RASGEF1A: variants seen among roughly 807,000 people sequenced by gnomAD.
RASGEF1A encodes ras-GEF domain-containing family member 1A.
In RASGEF1A, 18 loss-of-function variants were observed where a neutral mutation model predicts 56.4. The observed-to-expected ratio is 0.32, with a 90% CI of 0.22 to 0.47. The LOEUF (loss-of-function observed/expected upper bound fraction) is 0.47. Among genes scored for constraint, RASGEF1A ranks in the 20% least tolerant of loss-of-function variants. The pLI is 1.00. For missense variants in RASGEF1A, 422 were observed against 627.1 expected (o/e 0.67, Z 3.49); for synonymous variants, 245 against 242.6 (o/e 1.01, Z -0.09).
intron 1 of RASGEF1A, among the ~76,000 whole-genome samples, chr10:43,216,498 G>T (rs1370614137): frequency 6.6e-6 from 1 of 152,204 alleles, no homozygotes; most frequent in African/African-American, 2.4e-5. Context: ...ATGGGAGGCA[G>T]GCACCATGAT....
rs374920291 is a variant in RASGEF1A, at chr10:43,243,216, C to T, written c.-7+23629G>A. Among the ~76,000 whole-genome samples, 74 of 150,208 alleles carry T rather than the reference C, an allele frequency of 4.9e-4. No homozygotes were observed. In the East Asian group the frequency reaches 0.011, roughly 22 times the overall value. Reference sequence around the variant, plus strand: ...CTGGGAAGTGAGGAGTGCTTCTGCCCGGCCGCCACCCTGTCTAGGAAGTGA... The same window carrying T: ...CTGGGAAGTGAGGAGTGCTTCTGCCTGGCCGCCACCCTGTCTAGGAAGTGA... On this transcript the variant is annotated intron_variant, in intron 1 of 12. Coordinates refer to ENST00000395810, the MANE Select transcript of RASGEF1A (RefSeq NM_145313.4).
chr10:43,214,138 C>G (rs1840103874), intron 1 of RASGEF1A, among the ~76,000 whole-genome samples: 1 of 152,214 alleles, frequency 6.6e-6, no homozygotes, highest in Non-Finnish European at 1.5e-5. Flanking sequence ...GCACCCTGCC[C>G]TATCACCCAT....
intron 1 of RASGEF1A, chr10:43,208,421 T>A: frequency 1.0e-6 from 1 of 985,258 alleles, no homozygotes; most frequent in Non-Finnish European, 1.2e-6. Flanking sequence ...TGCCTAGGAG[T>A]TGAGGAGCCA....
At chr10:43,214,277 C>A (rs1344095862) in intron 1 of RASGEF1A, among the ~76,000 whole-genome samples, 1 of 152,224 alleles carries the variant, frequency 6.6e-6, no homozygotes, top group African/African-American at 2.4e-5. Flanking sequence ...CAGGCCTGGG[C>A]AGCAGCTGGG....
intron 1 of RASGEF1A, among the ~76,000 whole-genome samples, chr10:43,249,918 G>A (rs1564542914): frequency 2.6e-5 from 4 of 152,232 alleles, no homozygotes; most frequent in Non-Finnish European, 4.4e-5. Context: ...TTTCACGTGT[G>A]TTTAAAAGCA....
intron 1 of RASGEF1A, among the ~76,000 whole-genome samples, chr10:43,209,363 G>A (rs564871559): frequency 1.2e-4 from 19 of 152,296 alleles, no homozygotes; most frequent in East Asian, 9.7e-4. Flanking sequence ...GATTCATGCC[G>A]AGCAAGCAGC....
At chr10:43,216,076 CTGA>C (rs1840133047) in intron 1 of RASGEF1A, among the ~76,000 whole-genome samples, 1 of 152,222 alleles carries the variant, frequency 6.6e-6, no homozygotes, top group Non-Finnish European at 1.5e-5. Context: ...CATGCACTGA[CTGA>C]TGATGTGTGT....
At chr10:43,218,498 C>T (rs1840165480) in intron 1 of RASGEF1A, among the ~76,000 whole-genome samples, 1 of 152,236 alleles carries the variant, frequency 6.6e-6, no homozygotes, top group South Asian at 2.1e-4. Flanking sequence ...AACCCTTGTT[C>T]CCTCTGCAGC....
At chr10:43,210,280 T>C (rs1366598905) in intron 1 of RASGEF1A, among the ~76,000 whole-genome samples, 1 of 151,662 alleles carries the variant, frequency 6.6e-6, no homozygotes, top group Non-Finnish European at 1.5e-5. Flanking sequence ...GAGACAAGCC[T>C]GGGTAACATA....
chr10:43,214,118 C>T (rs1196227531), intron 1 of RASGEF1A, among the ~76,000 whole-genome samples: 1 of 152,198 alleles, frequency 6.6e-6, no homozygotes, highest in Non-Finnish European at 1.5e-5. Flanking sequence ...GCCATGGACT[C>T]TGAGACCTTG....
At chr10:43,238,282 G>A (rs1052020704) in intron 1 of RASGEF1A, among the ~76,000 whole-genome samples, 2 of 151,982 alleles carry the variant, frequency 1.3e-5, no homozygotes, top group African/African-American at 4.8e-5. Flanking sequence ...TGCCTTCGGG[G>A]GTGTTGTATC....
intron 1 of RASGEF1A, among the ~76,000 whole-genome samples, chr10:43,231,484 T>A (rs1840366522): frequency 6.6e-6 from 1 of 152,210 alleles, no homozygotes; most frequent in Admixed American, 6.5e-5. Flanking sequence ...CCTCCCTGAA[T>A]GTGACACTCT....
At chr10:43,222,252 G>A (rs865872538) in intron 1 of RASGEF1A, among the ~76,000 whole-genome samples, 7 of 152,168 alleles carry the variant, frequency 4.6e-5, no homozygotes, top group Admixed American at 3.9e-4. Context: ...GGTGCATGAC[G>A]CTGTCTTTTT....
At chr10:43,238,696 G>T (rs1013190668) in intron 1 of RASGEF1A, among the ~76,000 whole-genome samples, 1 of 152,200 alleles carries the variant, frequency 6.6e-6, no homozygotes, top group African/African-American at 2.4e-5. Flanking sequence ...GGCAAGTGGG[G>T]ATACTGAGGG....
At chr10:43,219,797 T>C (rs759901042) in intron 1 of RASGEF1A, among the ~76,000 whole-genome samples, 24 of 152,222 alleles carry the variant, frequency 1.6e-4, no homozygotes, top group Non-Finnish European at 3.1e-4. Context: ...AAAAGACATA[T>C]GGTTCTTTTA....
At chr10:43,232,660 T>C (rs1198031713) in intron 1 of RASGEF1A, among the ~76,000 whole-genome samples, 2 of 152,118 alleles carry the variant, frequency 1.3e-5, no homozygotes, top group Admixed American at 6.5e-5. Flanking sequence ...CTAATTTTTG[T>C]ATTTTTAGTA....
intron 1 of RASGEF1A, among the ~76,000 whole-genome samples, chr10:43,222,462 A>C (rs1471688288): frequency 6.6e-6 from 1 of 152,164 alleles, no homozygotes; most frequent in Non-Finnish European, 1.5e-5. Context: ...ACCAATGGCC[A>C]ATGATTCAGT....
intron 1 of RASGEF1A, among the ~76,000 whole-genome samples, chr10:43,214,523 T>A (rs952347652): frequency 2.0e-5 from 3 of 152,022 alleles, no homozygotes; most frequent in Admixed American, 2.0e-4. Flanking sequence ...CATCAGAAGG[T>A]GGCCCTATGG....
chr10:43,207,957 G>A (rs1840019089), intron 1 of RASGEF1A: 1 of 847,250 alleles, frequency 1.2e-6, no homozygotes, highest in African/African-American at 1.8e-5. Context: ...GTTTAACCTA[G>A]ACTGTTGACC....
Sources: allele counts gnomAD v4.1 joint callset (sites outside exome capture counted in the v4.1 genomes callset), GRCh38; gene constraint gnomAD v4.1.1; transcripts MANE v1.5; gene names NCBI Gene and HGNC (gene_info 2026-07-23, HGNC 2026-07-21).